Variants in DYNC2H1 observed in about 807,000 individuals in gnomAD.
DYNC2H1 encodes the protein dynein cytoplasmic 2 heavy chain 1, also known as cytoplasmic dynein 2 heavy chain 1.
Under a neutral mutation model 570.0 loss-of-function variants are expected in DYNC2H1, and 410 were observed. The ratio of observed to expected loss-of-function variants is 0.72; its 90% CI spans 0.66 to 0.78. DYNC2H1 has a LOEUF of 0.78. Ranked by LOEUF, DYNC2H1 falls within the 30% of genes least tolerant of loss-of-function variation. The probability of loss-of-function intolerance (pLI) is 0.00; values close to 1 mark genes in which losing one functional copy is unlikely to be tolerated. For synonymous variants in DYNC2H1, 1,688 were observed against 1,677.6 expected, an observed-to-expected ratio of 1.01 and a Z score of -0.15; for missense variants, 4,865 against 5,046.4, an observed-to-expected ratio of 0.96 and a Z score of 1.09.
Position 103,168,685 on chromosome 11 carries a change from C to T in DYNC2H1, c.4763-70C>T, listed in dbSNP as rs538866649. 5.6e-5 allele frequency: 82 copies of T among 1,463,586 alleles called. No individual in the cohort carries two copies. The African/African-American group carries it at 5.9e-4, about 11-fold the overall frequency. 90.7% of individuals were successfully genotyped at this position (1,463,586 alleles called of 1,614,324 possible). A position where few individuals can be genotyped will look rare whatever the true frequency, so the allele number is the denominator to read the frequency against. On this transcript the variant is annotated intron_variant, in intron 31 of 88. Coordinates refer to ENST00000375735, the MANE Select transcript of DYNC2H1 (RefSeq NM_001377.3). ...AATTCATGGAGAAATCACCTGTACA[C>T]GTAATCATAAATTATATAAATCACA...
chr11:103,125,308 A>C lies in DYNC2H1; in HGVS notation c.1857+13A>C, dbSNP rs754728689. The C allele has an allele frequency of 9.6e-6, 15 of 1,562,622 alleles. No individual in the cohort carries two copies. The highest frequency in any genetic ancestry group is 1.9e-5 in the Admixed American group (1 of 53,678). ...TATTCTTAAACAAGTATGAAATTAC[A>C]TTTTTTGAATACCTGCCTATTTGGA... On this transcript the variant is annotated intron_variant, in intron 12 of 88. Transcript: ENST00000375735.
In DYNC2H1 at chr11:103,143,521, C is replaced by T. The variant is rs1565338486; in HGVS notation, c.2702+126C>T. ...TGCCTCCTCCAGATCTCATTTATGA[C>T]ACTTGAGTATCATCTAGGTAGGGCA... On this transcript the variant is annotated intron_variant, in intron 18 of 88. Transcript: ENST00000375735. 1.1e-5 allele frequency: 10 copies of T among 934,082 alleles called. No individual in the cohort carries two copies. The South Asian group carries it at 2.1e-4, about 20-fold the overall frequency. 57.9% of individuals were successfully genotyped at this position (934,082 alleles called of 1,614,324 possible). A position where few individuals can be genotyped will look rare whatever the true frequency, so the allele number is the denominator to read the frequency against.
In DYNC2H1 at chr11:103,209,212, A is replaced by T. The variant is rs1033681089; in HGVS notation, c.8455-664A>T. ...TAACTTCAGCTCTATCAGGTGAAAG[A>T]AATTGAAGCTATTTGGCTTAATTTA... On this transcript the variant is annotated intron_variant, in intron 52 of 88. Coordinates refer to ENST00000375735, the MANE Select transcript of DYNC2H1 (RefSeq NM_001377.3). This position sits in a 1 kb window ranked among gnomAD's most constrained non-coding sequence, Gnocchi z 4.2. Among the ~76,000 whole-genome samples the T allele has an allele frequency of 4.6e-5, 7 of 152,112 alleles. No individual in the cohort carries two copies. The highest frequency in any genetic ancestry group is 1.7e-4 in the African/African-American group (7 of 41,444).
chr11:103,478,970 G>A, intron 88 of DYNC2H1, 125 bp from the exon 89 acceptor site: 1 of 1,087,816 alleles, frequency 9.2e-7, no homozygotes, highest in Non-Finnish European at 1.3e-6. Context: ...GGATGATAGG[G>A]GTTCATCATA....
At chr11:103,132,652 G>C (rs1859336607) in intron 13 of DYNC2H1, among the ~76,000 whole-genome samples, 2 of 3,884 alleles carry the variant, frequency 5.1e-4, no homozygotes, top group Non-Finnish European at 1.1e-3. Context: ...GGTTGGGGGT[G>C]TGTGTGTGTG....
At chr11:103,116,788 C>A in intron 5 of DYNC2H1, 74 bp downstream of exon 5, 1 of 1,362,594 alleles carries the variant, frequency 7.3e-7, no homozygotes, top group African/African-American at 1.5e-5. Context: ...CCTTTAAGTC[C>A]TTACTTAAAA....
At position 103,275,525 on chromosome 11, in the gene DYNC2H1, C is replaced by T. The variant is rs868489185; in HGVS notation, c.10696-4823C>T. ...TCCTGCTCACTTAACCCCTGGCAAA[C>T]GCTGATCCTTTTACTGCCTATAGTT... On this transcript the variant is annotated intron_variant, in intron 70 of 88. Coordinates refer to ENST00000375735, the MANE Select transcript of DYNC2H1 (RefSeq NM_001377.3). This position sits in a 1 kb window ranked among gnomAD's most constrained non-coding sequence, Gnocchi z 4.8. Among the ~76,000 whole-genome samples the T allele has an allele frequency of 1.3e-5, 2 of 152,160 alleles. No homozygotes were observed. Among genetic ancestry groups the T allele is most frequent in the South Asian group, 2.1e-4 (1 of 4,832 alleles).
Position 103,205,079 on chromosome 11 carries a change from A to T in DYNC2H1, c.8454+115A>T. On this transcript the variant is annotated intron_variant, in intron 52 of 88. Transcript: ENST00000375735. This position sits in a 1 kb window ranked among gnomAD's most constrained non-coding sequence, Gnocchi z 4.5. ...CATCACCTTAATTATGGCACCAAAC[A>T]TCTCTTATGTTTGGAAATGTCTGTT... is the stretch of plus-strand genomic sequence containing the variant. The T allele has an allele frequency of 1.1e-6, 1 of 905,540 alleles. No individual in the cohort carries two copies. Among genetic ancestry groups the T allele is most frequent in the South Asian group, 1.9e-5 (1 of 51,398 alleles). 56.1% of individuals were successfully genotyped at this position (905,540 alleles called of 1,614,324 possible).
intron 40 of DYNC2H1, 132 bp from the exon 41 acceptor site, chr11:103,184,764 C>T (rs1380710151): frequency 1.3e-6 from 1 of 787,018 alleles, no homozygotes; most frequent in African/African-American, 1.8e-5. Context: ...TCCAAACTTT[C>T]TACAGTTTGA....
intron 84 of DYNC2H1, among the ~76,000 whole-genome samples, chr11:103,424,467 C>A (rs1241806935): frequency 6.6e-6 from 1 of 151,968 alleles, no homozygotes; most frequent in Non-Finnish European, 1.5e-5. Context: ...TGAATATTGA[C>A]CCAAGAGAAA....
chr11:103,201,580 A>G lies in DYNC2H1; in HGVS notation c.8197+1426A>G, dbSNP rs1862721582. 6.6e-6 allele frequency among the ~76,000 whole-genome samples: 1 copy of G among 152,144 alleles called. No individual in the cohort carries two copies. The highest frequency in any genetic ancestry group is 2.4e-5 in the African/African-American group (1 of 41,430). On this transcript the variant is annotated intron_variant, in intron 50 of 88. Coordinates refer to ENST00000375735, the MANE Select transcript of DYNC2H1 (RefSeq NM_001377.3). The surrounding 1 kb of genome is among the most constrained non-coding windows in gnomAD (Gnocchi z 4.8). ...AAAATCTCTGGGGTATGGTGGGAGT[A>G]TCATTTGGCTATTGTGACTCCCTAA...
chr11:103,176,774 C>T (rs868045345), intron 37 of DYNC2H1, among the ~76,000 whole-genome samples: 26 of 151,190 alleles, frequency 1.7e-4, no homozygotes, highest in African/African-American at 6.3e-4. Context: ...GGTGTGATCT[C>T]GGCCCACAGC....
At chr11:103,477,655 C>T (rs772027168) in intron 88 of DYNC2H1, among the ~76,000 whole-genome samples, 5 of 151,638 alleles carry the variant, frequency 3.3e-5, no homozygotes, top group Non-Finnish European at 7.4e-5. Context: ...CACAGTGAAA[C>T]CCTGTCTCTA....
At chr11:103,258,558 G>A (rs911982051) in intron 69 of DYNC2H1, among the ~76,000 whole-genome samples, 3 of 148,014 alleles carry the variant, frequency 2.0e-5, no homozygotes, top group Non-Finnish European at 4.4e-5. Flanking sequence ...TCACTTGCCC[G>A]CCTGGTGCTG....
At chr11:103,196,990 G>A (rs113288461) in intron 47 of DYNC2H1, among the ~76,000 whole-genome samples, 6 of 152,122 alleles carry the variant, frequency 3.9e-5, no homozygotes, top group Non-Finnish European at 8.8e-5. Context: ...ATGCTTGGTG[G>A]AACAGTCTCC....
Position 103,156,716 on chromosome 11 carries a change from G to A in DYNC2H1, c.4073G>A (p.Arg1358His), listed in dbSNP as rs184256941. The A allele has an allele frequency of 1.4e-4, 222 of 1,613,288 alleles. No individual in the cohort carries two copies. The African/African-American group carries it at 2.5e-3, about 18-fold the overall frequency. Residue 1358 changes from arginine to histidine, a missense_variant, in exon 26 of 89, where the codon CGT (arginine) becomes CAT (histidine). Physicochemically the swap from Arg to His is conservative, Grantham distance 29 (BLOSUM62 0). Around this residue, in one of 5 missense-constraint regions of DYNC2H1, gnomAD observed 1,936 missense variants for 1,962.1 expected, o/e 0.99. Coordinates refer to ENST00000375735, the MANE Select transcript of DYNC2H1 (RefSeq NM_001377.3). The stretch of plus-strand genomic sequence containing the variant: ...GTGTATTTGGAACCCATTTTCGGCC[G>A]TGGAGCATTGCCAAAAGAACAGACA... ...KWVYLEPIFGRGALPKEQTRF... is the reference protein window; with the variant it reads ...KWVYLEPIFGHGALPKEQTRF...
Position 103,174,115 on chromosome 11 carries a change from G to T in DYNC2H1, c.5619G>T (p.Leu1873=). 1 of 1,590,314 alleles carries T rather than the reference G, an allele frequency of 6.3e-7. No individual in the cohort carries two copies. Among genetic ancestry groups the T allele is most frequent in the South Asian group, 1.1e-5 (1 of 87,004 alleles). ...GTTTGAGAGCTTTGAAGACAGTTCT[G>T]AGAGGAAGTGGAAATCTCCTTAGAC... The part of the protein sequence containing the change: ...DWGLRALKTV[L]RGSGNLLRQL... Residue 1873 remains leucine, a synonymous_variant, in exon 36 of 89, where the codon CTG becomes CTT. Coordinates refer to ENST00000375735, the MANE Select transcript of DYNC2H1 (RefSeq NM_001377.3).
chr11:103,404,971 A>C (rs192482805), intron 84 of DYNC2H1: 1 of 152,058 alleles, frequency 6.6e-6, no homozygotes, highest in East Asian at 1.9e-4. Flanking sequence ...TCCTACTGTA[A>C]ATATATGGTG....
At position 103,170,768 on chromosome 11, in the gene DYNC2H1, C is replaced by G; in HGVS notation, c.5152-118C>G. ...TACTTAATCCGTATTTTAAAATGAG[C>G]AAAAGAGGCATAGATGGGATAAATT... On this transcript the variant is annotated intron_variant, in intron 33 of 88. Transcript: ENST00000375735. The surrounding 1 kb of genome is among the most constrained non-coding windows in gnomAD (Gnocchi z 4.8). The G allele has an allele frequency of 1.0e-6, 1 of 990,934 alleles. No individual in the cohort carries two copies. Among genetic ancestry groups the G allele is most frequent in the Non-Finnish European group, 1.3e-6 (1 of 745,312 alleles). 61.4% of individuals were successfully genotyped at this position (990,934 alleles called of 1,614,324 possible).
Sources: gnomAD v4.1 joint callset for allele counts (sites outside exome capture counted in the v4.1 genomes callset) on GRCh38, gnomAD v4.1.1 for gene constraint, gnomAD v4.1.1 regional missense constraint, Gnocchi (gnomAD v3.1) non-coding constraint, MANE v1.5 for transcripts, NCBI Gene and HGNC (gene_info 2026-07-23, HGNC 2026-07-21) for gene names.